Variants in ATP8A2 observed in about 807,000 individuals in gnomAD.
ATP8A2 encodes the protein phospholipid-transporting ATPase IB.
In ATP8A2, 100 loss-of-function variants were observed where a neutral mutation model predicts 165.6. The ratio of observed to expected loss-of-function variants is 0.60; its 90% CI spans 0.51 to 0.71. The LOEUF is 0.71. ATP8A2 is among the 30% of genes least tolerant of loss of function. The pLI is 0.00. For synonymous variants in ATP8A2, 543 were observed against 548.8 expected (o/e 0.99, Z 0.15); for missense variants, 1,227 against 1,479.5 (o/e 0.83, Z 2.80).
intron 33 of ATP8A2, among the ~76,000 whole-genome samples, chr13:25,931,168 A>T (rs1005312056): frequency 9.8e-5 from 15 of 152,330 alleles, no homozygotes; most frequent in Middle Eastern, 3.4e-3. Context: ...ACCTGGGCTG[A>T]TGTGCTGAGT....
At chr13:25,734,748 C>T (rs933017894) in intron 25 of ATP8A2, among the ~76,000 whole-genome samples, 5 of 152,136 alleles carry the variant, frequency 3.3e-5, no homozygotes, top group African/African-American at 4.8e-5. Context: ...AAGCGATTCT[C>T]CTGCCTCAGC....
intron 26 of ATP8A2, among the ~76,000 whole-genome samples, chr13:25,774,359 T>A (rs1566125084): frequency 6.6e-6 from 1 of 151,734 alleles, no homozygotes; most frequent in African/African-American, 2.4e-5. Flanking sequence ...AGCTGAACAA[T>A]GAGAACACAT....
At chr13:25,757,164 A>C (rs765159197) in intron 25 of ATP8A2, among the ~76,000 whole-genome samples, 11 of 152,260 alleles carry the variant, frequency 7.2e-5, no homozygotes, top group Non-Finnish European at 1.6e-4. Flanking sequence ...CCACAGGATC[A>C]TGAAGGCTTT....
intron 15 of ATP8A2, among the ~76,000 whole-genome samples, chr13:25,563,158 C>T (rs2039210257): frequency 6.6e-6 from 1 of 152,126 alleles, no homozygotes; most frequent in Non-Finnish European, 1.5e-5. Context: ...GCCTGTAATC[C>T]CAGCACTTTG....
intron 30 of ATP8A2, among the ~76,000 whole-genome samples, chr13:25,845,904 G>A (rs562853433): frequency 1.1e-3 from 167 of 152,290 alleles, no homozygotes; most frequent in Non-Finnish European, 1.8e-3. Context: ...GGCTGGGCAC[G>A]GTGGCTCATG....
At chr13:25,477,581 T>C (rs2036030095) in intron 2 of ATP8A2, among the ~76,000 whole-genome samples, 1 of 152,218 alleles carries the variant, frequency 6.6e-6, no homozygotes. Context: ...GATGCTAACA[T>C]TGTGGGGAAA....
chr13:25,985,944 C>T (rs1297720129), intron 35 of ATP8A2, among the ~76,000 whole-genome samples: 4 of 152,244 alleles, frequency 2.6e-5, no homozygotes, highest in African/African-American at 9.6e-5. Context: ...AGAATATTCA[C>T]ATGTCTCCTT....
At chr13:25,479,214 T>G (rs993247719) in intron 2 of ATP8A2, among the ~76,000 whole-genome samples, 2 of 152,212 alleles carry the variant, frequency 1.3e-5, no homozygotes, top group African/African-American at 4.8e-5. Flanking sequence ...GCTATCATTG[T>G]TAGTTATTAT....
intron 2 of ATP8A2, among the ~76,000 whole-genome samples, chr13:25,513,198 AGACG>A (rs1472406594): frequency 6.7e-6 from 1 of 149,846 alleles, no homozygotes; most frequent in African/African-American, 2.5e-5. Flanking sequence ...CTCACTTCTC[AGACG>A]GTGCGGTTGC....
At chr13:25,853,774 T>A (rs1952079356) in intron 30 of ATP8A2, among the ~76,000 whole-genome samples, 1 of 152,160 alleles carries the variant, frequency 6.6e-6, no homozygotes, top group Admixed American at 6.5e-5. Flanking sequence ...AGGAAAGACA[T>A]CCTAAGCTAT....
chr13:25,971,712 G>A (rs1380133833), intron 35 of ATP8A2, among the ~76,000 whole-genome samples: 1 of 152,132 alleles, frequency 6.6e-6, no homozygotes, highest in Non-Finnish European at 1.5e-5. Flanking sequence ...GCCACAGAGA[G>A]ATGCTGACAG....
In ATP8A2 at chr13:25,783,756, T is replaced by C. The variant is rs552676576; in HGVS notation, c.2679+8797T>C. Among the ~76,000 whole-genome samples the C allele has an allele frequency of 5.3e-5, 8 of 152,322 alleles. No homozygotes were observed. The South Asian group carries it at 1.5e-3, about 28-fold the overall frequency. Reference sequence around the variant, plus strand: ...CTTTCCCATCCATGTTCTCTGTCTGTTCCAGCTCTGTGATAAATGTCAGCA... The same window carrying C: ...CTTTCCCATCCATGTTCTCTGTCTGCTCCAGCTCTGTGATAAATGTCAGCA... On this transcript the variant is annotated intron_variant, in intron 27 of 36. Transcript: ENST00000381655.
At chr13:25,404,851 C>T (rs1274059141) in intron 1 of ATP8A2, among the ~76,000 whole-genome samples, 5 of 151,888 alleles carry the variant, frequency 3.3e-5, no homozygotes, top group Non-Finnish European at 2.9e-5. Flanking sequence ...AACTGATGTT[C>T]TAGTGATGGA....
Position 25,619,956 on chromosome 13 carries a change from GAGGAGTC to G in ATP8A2, c.2211+30259_2211+30265del, listed in dbSNP as rs1336592161. ...CCCCAATCTATATATACAAAGAAGA[GAGGAGTC>G]ACGAGAAAACCCAGAAGGGCAGTTG... On this transcript the variant is annotated intron_variant, in intron 24 of 36. Transcript: ENST00000381655. Among the ~76,000 whole-genome samples, 5 of 152,328 alleles carry G rather than the reference GAGGAGTC, an allele frequency of 3.3e-5. No individual in the cohort carries two copies. The East Asian group carries it at 9.6e-4, about 29-fold the overall frequency.
chr13:25,854,896 CATCATCACAAT>C (rs1171474337), intron 30 of ATP8A2, among the ~76,000 whole-genome samples: 1 of 152,118 alleles, frequency 6.6e-6, no homozygotes, highest in Non-Finnish European at 1.5e-5. Context: ...GTTGTACAGC[CATCATCACAAT>C]ACATTATAGA....
chr13:25,705,401 C>A, intron 25 of ATP8A2: 1 of 167,552 alleles, frequency 6.0e-6, no homozygotes, highest in South Asian at 1.4e-4. Flanking sequence ...ATGTGATTTA[C>A]GGCTTCACAT....
chr13:25,862,753 C>A (rs1952395172), intron 33 of ATP8A2, among the ~76,000 whole-genome samples: 2 of 152,128 alleles, frequency 1.3e-5, no homozygotes, highest in Non-Finnish European at 2.9e-5. Flanking sequence ...TGAATGGTTC[C>A]TAATCCATTG....
At chr13:25,812,870 A>G (rs1256284431) in intron 27 of ATP8A2, among the ~76,000 whole-genome samples, 2 of 152,186 alleles carry the variant, frequency 1.3e-5, no homozygotes, top group African/African-American at 2.4e-5. Context: ...AAAATGTGGT[A>G]CATATACACC....
chr13:25,752,027 T>A (rs117177742), intron 25 of ATP8A2, among the ~76,000 whole-genome samples: 5,865 of 151,634 alleles, frequency 0.039, 199 homozygotes, highest in Non-Finnish European at 0.057. Flanking sequence ...ATGCCTATAA[T>A]CCCAGCACTT....
Sources: allele counts gnomAD v4.1 joint callset (sites outside exome capture counted in the v4.1 genomes callset), GRCh38; gene constraint gnomAD v4.1.1; transcripts MANE v1.5; gene names NCBI Gene and HGNC (gene_info 2026-07-23, HGNC 2026-07-21).